The following SGCD variants were observed in gnomAD, a reference collection of about 807,000 sequenced individuals.
SGCD encodes the protein sarcoglycan delta, also known as delta-sarcoglycan.
Under a neutral mutation model 36.6 loss-of-function variants are expected in SGCD, and 18 were observed. The ratio of observed to expected loss-of-function variants is 0.49; its 90% CI spans 0.34 to 0.73. The LOEUF is 0.73. SGCD is among the 30% of genes least tolerant of loss of function. SGCD has a pLI of 0.01. For missense variants in SGCD, 387 were observed against 346.7 expected, an observed-to-expected ratio of 1.12 and a Z score of -0.92; for synonymous variants, 133 against 130.6, an observed-to-expected ratio of 1.02 and a Z score of -0.12.
At chr5:156,624,949 C>T (rs1421896599) in intron 6 of SGCD, among the ~76,000 whole-genome samples, 2 of 152,196 alleles carry the variant, frequency 1.3e-5, no homozygotes, top group African/African-American at 4.8e-5. Context: ...CAGATACCTG[C>T]ACATTTGCCT....
chr5:156,542,285 A>C (rs1322678138), intron 4 of SGCD, among the ~76,000 whole-genome samples: 1 of 152,122 alleles, frequency 6.6e-6, no homozygotes, highest in Non-Finnish European at 1.5e-5. Flanking sequence ...GACAAAGCAC[A>C]CTATTTTCCA....
At chr5:155,966,925 A>G (rs1458316361) in intron 1 of SGCD, among the ~76,000 whole-genome samples, 1 of 148,964 alleles carries the variant, frequency 6.7e-6, no homozygotes, top group Admixed American at 6.7e-5. Context: ...AAAGGCCAAT[A>G]TAGGTTTTCA....
chr5:156,542,161 T>C (rs1354083710), intron 4 of SGCD, among the ~76,000 whole-genome samples: 2 of 152,156 alleles, frequency 1.3e-5, no homozygotes, highest in Non-Finnish European at 2.9e-5. Flanking sequence ...GATAAGTTAT[T>C]GAAACAGTGG....
chr5:156,169,613 A>G (rs1268993344), intron 3 of SGCD, among the ~76,000 whole-genome samples: 4 of 152,204 alleles, frequency 2.6e-5, no homozygotes, highest in African/African-American at 9.6e-5. Context: ...GAGAAGTGCT[A>G]TGGAGAAAAA....
intron 4 of SGCD, among the ~76,000 whole-genome samples, chr5:156,511,242 T>A (rs1756911842): frequency 6.6e-6 from 1 of 152,086 alleles, no homozygotes; most frequent in Non-Finnish European, 1.5e-5. Flanking sequence ...AAGGAGAAAA[T>A]ACACAGATAT....
chr5:156,209,513 G>A (rs540909043), intron 3 of SGCD, among the ~76,000 whole-genome samples: 33 of 152,262 alleles, frequency 2.2e-4, no homozygotes, highest in Non-Finnish European at 2.9e-4. Flanking sequence ...GGCCTGCCCA[G>A]CGCTAAGCCC....
At chr5:156,022,940 G>C (rs1365060946) in intron 1 of SGCD, among the ~76,000 whole-genome samples, 2 of 152,142 alleles carry the variant, frequency 1.3e-5, no homozygotes, top group Non-Finnish European at 2.9e-5. Context: ...TTTCCACCCA[G>C]CTGTCACTTC....
the SGCD span, among the ~76,000 whole-genome samples, chr5:155,746,414 A>G: frequency 1.3e-5 from 2 of 152,088 alleles, no homozygotes; most frequent in Non-Finnish European, 2.9e-5. Context: ...ACACTCCAGG[A>G]GAGGAGTGGG....
At chr5:156,495,222 G>A (rs539030137) in intron 3 of SGCD, among the ~76,000 whole-genome samples, 1 of 152,220 alleles carries the variant, frequency 6.6e-6, no homozygotes, top group African/African-American at 2.4e-5. Context: ...CTTTAGTTAA[G>A]GCTAAACATA....
At chr5:156,402,347 A>T (rs1345441672) in intron 3 of SGCD, among the ~76,000 whole-genome samples, 1 of 152,244 alleles carries the variant, frequency 6.6e-6, no homozygotes, top group African/African-American at 2.4e-5. Flanking sequence ...AAATAATGTA[A>T]GCAAGAGACA....
intron 8 of SGCD, among the ~76,000 whole-genome samples, chr5:156,758,447 C>T (rs758020443): frequency 5.9e-5 from 9 of 151,546 alleles, no homozygotes; most frequent in Non-Finnish European, 1.2e-4. Flanking sequence ...GAGAGGTTAT[C>T]AGTCTCTACC....
At chr5:155,841,631 G>T in the SGCD span, among the ~76,000 whole-genome samples, 1 of 151,874 alleles carries the variant, frequency 6.6e-6, no homozygotes, top group Non-Finnish European at 1.5e-5. Flanking sequence ...CCAACCATTT[G>T]TCAGGTGTAT....
chr5:156,420,223 G>T (rs953509843), intron 3 of SGCD, among the ~76,000 whole-genome samples: 3 of 152,132 alleles, frequency 2.0e-5, no homozygotes, highest in Admixed American at 6.5e-5. Context: ...TTAGAACACT[G>T]ATGGAGCTCT....
chr5:155,818,125 G>A, the SGCD span, among the ~76,000 whole-genome samples: 6 of 152,150 alleles, frequency 3.9e-5, no homozygotes, highest in East Asian at 9.6e-4. Context: ...ACGTAGAAGA[G>A]GAGATAAGGT....
chr5:156,725,244 T>A lies in SGCD; in HGVS notation c.576-32337T>A, dbSNP rs543508077. On this transcript the variant is annotated intron_variant, in intron 7 of 8. Coordinates refer to ENST00000337851, the MANE Select transcript of SGCD (RefSeq NM_000337.6). Reference sequence around the variant, plus strand: ...GGCTCTAAGAATGACTTACACTGTCTCAGGGGAGAACCATGCTTGATCAAG... The same window carrying A: ...GGCTCTAAGAATGACTTACACTGTCACAGGGGAGAACCATGCTTGATCAAG... 2.0e-5 allele frequency among the ~76,000 whole-genome samples: 3 copies of A among 152,306 alleles called. No individual in the cohort carries two copies. The South Asian group carries it at 6.2e-4, about 32-fold the overall frequency.
At chr5:156,610,230 G>A (rs945713815) in intron 6 of SGCD, among the ~76,000 whole-genome samples, 10 of 152,092 alleles carry the variant, frequency 6.6e-5, no homozygotes, top group South Asian at 6.2e-4. Context: ...TGGTGTGGAT[G>A]TCCTTTCTGT....
intron 1 of SGCD, among the ~76,000 whole-genome samples, chr5:156,028,403 A>C (rs999267109): frequency 2.6e-5 from 4 of 152,188 alleles, no homozygotes; most frequent in Admixed American, 1.3e-4. Flanking sequence ...TTAAAATCAG[A>C]CACCTTGAAT....
chr5:156,030,586 T>A (rs571086364), intron 1 of SGCD, among the ~76,000 whole-genome samples: 1 of 152,290 alleles, frequency 6.6e-6, no homozygotes, highest in East Asian at 1.9e-4. Context: ...TAGTTTATGG[T>A]CATTTTTTAT....
In SGCD at chr5:156,101,845, A is replaced by C. The variant is rs186407704; in HGVS notation, c.-281-16033A>C. On this transcript the variant is annotated intron_variant, in intron 1 of 9. Coordinates refer to the SGCD transcript ENST00000517913. ...AGTGGAATCATAAATTCTTTGATTA[A>C]ATTCCAATATCAATAACTATAAACG... is the stretch of plus-strand genomic sequence containing the variant. Among the ~76,000 whole-genome samples, 74 of 151,410 alleles carry C rather than the reference A, an allele frequency of 4.9e-4. 1 individual carries two copies. The South Asian group carries it at 0.012, about 25-fold the overall frequency.
Sources: gnomAD v4.1 joint callset for allele counts (sites outside exome capture counted in the v4.1 genomes callset) on GRCh38, gnomAD v4.1.1 for gene constraint, MANE v1.5 for transcripts, NCBI Gene and HGNC (gene_info 2026-07-23, HGNC 2026-07-21) for gene names.